Variants in MFHAS1 observed in about 807,000 individuals in gnomAD.
MFHAS1 encodes multifunctional ROCO family signaling regulator 1.
A neutral mutation model predicts 70.4 loss-of-function variants in MFHAS1; 50 were observed. That is an observed-to-expected ratio of 0.71 (90% CI 0.57 to 0.90). The LOEUF (loss-of-function observed/expected upper bound fraction) is 0.90, where lower values mean the gene tolerates loss of function less well. MFHAS1 is among the 40% of genes least tolerant of loss of function. The probability of loss-of-function intolerance (pLI) is 0.00; values close to 1 mark genes in which losing one functional copy is unlikely to be tolerated. For missense variants in MFHAS1, 1,795 were observed against 1,347.6 expected (o/e 1.33, Z -5.20); for synonymous variants, 952 against 620.0 (o/e 1.54, Z -7.96).
rs536860278 is a variant in MFHAS1, at chr8:8,784,929, A to G, written c.*1093T>C. On this transcript the variant is annotated 3_prime_UTR_variant, in exon 3 of 3. Transcript: ENST00000276282. ...GAGACCGTCCAATCAGAGGCTCTGT[A>G]TTTATAAATAACCCGTGTGGGATTA... is the stretch of plus-strand genomic sequence containing the variant. The G allele has an allele frequency of 1.3e-5, 2 of 152,290 alleles. No homozygotes were observed. Among genetic ancestry groups the G allele is most frequent in the East Asian group, 3.9e-4 (2 of 5,192 alleles). 9.4% of individuals were successfully genotyped at this position (152,290 alleles called of 1,614,324 possible). A position where few individuals can be genotyped will look rare whatever the true frequency, so the allele number is the denominator to read the frequency against.
intron 1 of MFHAS1, among the ~76,000 whole-genome samples, chr8:8,876,241 C>G (rs1325973016): frequency 6.6e-6 from 1 of 152,186 alleles, no homozygotes; most frequent in Non-Finnish European, 1.5e-5. Context: ...AACTAACCAC[C>G]ATATTATAAT....
At chr8:8,786,548 C>G (rs1236605892) in intron 2 of MFHAS1, among the ~76,000 whole-genome samples, 1 of 152,172 alleles carries the variant, frequency 6.6e-6, no homozygotes, top group Non-Finnish European at 1.5e-5. Context: ...CCACGCAAAT[C>G]TGGAGTCTGA....
intron 1 of MFHAS1, among the ~76,000 whole-genome samples, chr8:8,848,098 C>T (rs766562536): frequency 4.6e-5 from 7 of 152,216 alleles, no homozygotes; most frequent in Middle Eastern, 3.2e-3. Flanking sequence ...TCATCTGGGA[C>T]GGCTGCTTTC....
At chr8:8,817,269 A>G (rs1385221800) in intron 1 of MFHAS1, among the ~76,000 whole-genome samples, 1 of 152,212 alleles carries the variant, frequency 6.6e-6, no homozygotes, top group Non-Finnish European at 1.5e-5. Context: ...TGAAAGGAAA[A>G]AAAAAAAGCA....
At chr8:8,847,899 T>G (rs1471661084) in intron 1 of MFHAS1, among the ~76,000 whole-genome samples, 1 of 152,202 alleles carries the variant, frequency 6.6e-6, no homozygotes. Context: ...ACACCACAGT[T>G]ATGCTTTAAA....
chr8:8,790,444 G>C, intron 2 of MFHAS1: 1 of 913,252 alleles, frequency 1.1e-6, no homozygotes, highest in Non-Finnish European at 1.3e-6. Context: ...CCTAAGCAGA[G>C]AGGGAAAAAT....
chr8:8,864,487 A>T (rs190300298), intron 1 of MFHAS1, among the ~76,000 whole-genome samples: 180 of 152,354 alleles, frequency 1.2e-3, no homozygotes, highest in African/African-American at 4.0e-3. Context: ...CATATCCTAA[A>T]TATTCTTATG....
At chr8:8,889,340 A>C (rs907150582) in intron 1 of MFHAS1, among the ~76,000 whole-genome samples, 18 of 152,192 alleles carry the variant, frequency 1.2e-4, no homozygotes, top group Non-Finnish European at 2.4e-4. Flanking sequence ...GGGGAGCAGC[A>C]GCCCCAGGAT....
chr8:8,873,991 G>C (rs976380940), intron 1 of MFHAS1, among the ~76,000 whole-genome samples: 14 of 152,222 alleles, frequency 9.2e-5, no homozygotes, highest in African/African-American at 3.4e-4. Flanking sequence ...GAAAACAATG[G>C]TGTTCCAATA....
At chr8:8,808,818 T>G (rs929185218) in intron 1 of MFHAS1, among the ~76,000 whole-genome samples, 1 of 152,178 alleles carries the variant, frequency 6.6e-6, no homozygotes, top group Non-Finnish European at 1.5e-5. Context: ...AGTAGGGTAC[T>G]TGGAAAGCAT....
intron 1 of MFHAS1, among the ~76,000 whole-genome samples, chr8:8,832,017 A>C (rs1807407812): frequency 6.6e-6 from 1 of 151,160 alleles, no homozygotes; most frequent in African/African-American, 2.4e-5. Flanking sequence ...AAAGAAAATA[A>C]ACCTCAATCC....
At chr8:8,858,907 G>A (rs921653411) in intron 1 of MFHAS1, among the ~76,000 whole-genome samples, 3 of 152,186 alleles carry the variant, frequency 2.0e-5, no homozygotes, top group African/African-American at 7.2e-5. Flanking sequence ...AGACTATATA[G>A]AGGAACACAA....
chr8:8,880,481 T>C (rs746664150), intron 1 of MFHAS1, among the ~76,000 whole-genome samples: 1 of 152,154 alleles, frequency 6.6e-6, no homozygotes, highest in Non-Finnish European at 1.5e-5. Context: ...GCTTGACTCA[T>C]TAAGCCACAT....
chr8:8,859,812 C>T (rs371871982), intron 1 of MFHAS1, among the ~76,000 whole-genome samples: 1 of 152,172 alleles, frequency 6.6e-6, no homozygotes, highest in Non-Finnish European at 1.5e-5. Flanking sequence ...TAGTTAAATT[C>T]TGCAAAGTCA....
intron 1 of MFHAS1, among the ~76,000 whole-genome samples, chr8:8,833,862 A>C (rs1434701391): frequency 6.6e-6 from 1 of 152,304 alleles, no homozygotes; most frequent in South Asian, 2.1e-4. Context: ...ACTCAACAAC[A>C]AAAAGAAACA....
At chr8:8,877,119 GC>G (rs1021545940) in intron 1 of MFHAS1, among the ~76,000 whole-genome samples, 1 of 151,700 alleles carries the variant, frequency 6.6e-6, no homozygotes, top group African/African-American at 2.4e-5. Flanking sequence ...AGGCAACGTG[GC>G]AAAATCCTGT....
At chr8:8,834,204 AT>A (rs1394319945) in intron 1 of MFHAS1, among the ~76,000 whole-genome samples, 1 of 152,222 alleles carries the variant, frequency 6.6e-6, no homozygotes, top group Non-Finnish European at 1.5e-5. Context: ...GCATAATGAC[AT>A]TTTATACTAT....
In MFHAS1 at chr8:8,892,365, G is replaced by T. The variant is rs979092099; in HGVS notation, c.694C>A (p.Leu232Ile). 1.2e-6 allele frequency: 2 copies of T among 1,612,434 alleles called. No homozygotes were observed. The highest frequency in any genetic ancestry group is 3.3e-5 in the Admixed American group (2 of 60,002). The change falls in exon 1 of 3, where the codon CTC (leucine) becomes ATC (isoleucine). Residue 232 changes from leucine to isoleucine, a missense_variant. Transcript: ENST00000276282. This position sits in a 1 kb window ranked among gnomAD's most constrained non-coding sequence, Gnocchi z 4.7. ...DISALRALKI[L>I]WLSGAELGTL... ...CCAAGCTCGGCCCCACTCAGCCAGA[G>T]GATCTTGAGGGCACGCAGGGCACTG...
At position 8,891,571 on chromosome 8, in the gene MFHAS1, G is replaced by A. The variant is rs760800087; in HGVS notation, c.1488C>T (p.Ala496=). The A allele has an allele frequency of 6.2e-7, 1 of 1,613,224 alleles. No individual in the cohort carries two copies. Among genetic ancestry groups the A allele is most frequent in the South Asian group, 1.1e-5 (1 of 91,086 alleles). The change falls in exon 1 of 3, where the codon GCC becomes GCT. Residue 496 remains alanine, a synonymous_variant. Transcript: ENST00000276282. This position sits in a 1 kb window ranked among gnomAD's most constrained non-coding sequence, Gnocchi z 5.4. ...VIQPFFLSPG[A]LYVLVVNLAT... is the part of the protein sequence containing the mutation. Reference sequence around the variant, plus strand: ...CCAAGTTGACCACCAGCACGTATAGGGCCCCTGGGGACAGGAAGAAGGGCT... The same window carrying A: ...CCAAGTTGACCACCAGCACGTATAGAGCCCCTGGGGACAGGAAGAAGGGCT...
Sources: allele counts gnomAD v4.1 joint callset (sites outside exome capture counted in the v4.1 genomes callset), GRCh38; gene constraint gnomAD v4.1.1; non-coding constraint Gnocchi (gnomAD v3.1); transcripts MANE v1.5; gene names NCBI Gene and HGNC (gene_info 2026-07-23, HGNC 2026-07-21).